Variants in ATP6V1H observed in about 807,000 individuals in gnomAD.
ATP6V1H encodes the protein ATPase H+ transporting V1 subunit H.
A neutral mutation model predicts 71.7 loss-of-function variants in ATP6V1H; 39 were observed. The observed-to-expected ratio is 0.54, with a 90% CI of 0.42 to 0.71. The LOEUF (loss-of-function observed/expected upper bound fraction) is 0.71. ATP6V1H is among the 30% of genes least tolerant of loss of function. The pLI, the probability that ATP6V1H is intolerant of heterozygous loss-of-function variation, is 0.00. For missense variants in ATP6V1H, 509 were observed against 594.9 expected, an observed-to-expected ratio of 0.86 and a Z score of 1.50; for synonymous variants, 192 against 199.3, an observed-to-expected ratio of 0.96 and a Z score of 0.31.
intron 12 of ATP6V1H, among the ~76,000 whole-genome samples, chr8:53,748,573 C>A (rs1326243387): frequency 6.6e-6 from 1 of 152,060 alleles, no homozygotes; most frequent in Admixed American, 6.6e-5. Flanking sequence ...CTATACATAG[C>A]ATTAAACCAT....
intron 8 of ATP6V1H, among the ~76,000 whole-genome samples, 157 bp downstream of exon 8, chr8:53,801,642 T>A (rs1278887618): frequency 6.6e-6 from 1 of 152,212 alleles, no homozygotes; most frequent in Admixed American, 6.5e-5. Context: ...GGGCTCAGTT[T>A]GATAGTTACT....
chr8:53,717,157 C>T (rs929543834), intron 13 of ATP6V1H, among the ~76,000 whole-genome samples: 13 of 152,202 alleles, frequency 8.5e-5, no homozygotes, highest in African/African-American at 2.9e-4. Flanking sequence ...AATATGACTC[C>T]GCCTCTCTCC....
chr8:53,731,764 A>G (rs1479478125), intron 13 of ATP6V1H, among the ~76,000 whole-genome samples: 1 of 152,234 alleles, frequency 6.6e-6, no homozygotes, highest in Non-Finnish European at 1.5e-5. Context: ...CTGACCGGGA[A>G]GCGAGGTAAT....
intron 3 of ATP6V1H, chr8:53,832,753 T>G (rs1585838413): frequency 2.9e-6 from 1 of 341,674 alleles, no homozygotes; most frequent in East Asian, 4.7e-5. Flanking sequence ...TTAAGCAACT[T>G]TTAAAACTTA....
At chr8:53,791,051 C>T (rs1038866853) in intron 9 of ATP6V1H, among the ~76,000 whole-genome samples, 1 of 150,028 alleles carries the variant, frequency 6.7e-6, no homozygotes, top group Non-Finnish European at 1.5e-5. Flanking sequence ...GCTCCTGTGA[C>T]AATGGTAGAA....
chr8:53,812,708 T>C (rs1810317334), intron 6 of ATP6V1H, among the ~76,000 whole-genome samples: 1 of 152,212 alleles, frequency 6.6e-6, no homozygotes, highest in Admixed American at 6.5e-5. Context: ...TTTTTTGTTT[T>C]TTGAGACAAG....
Position 53,764,011 on chromosome 8 carries a change from G to C in ATP6V1H, c.1175+5607C>G, listed in dbSNP as rs190533828. Among the ~76,000 whole-genome samples, 10 of 152,334 alleles carry C rather than the reference G, an allele frequency of 6.6e-5. No individual in the cohort carries two copies. In the South Asian group the frequency reaches 1.7e-3, roughly 25 times the overall value. Reference sequence around the variant, plus strand: ...AGAAGTGGATAATCTGAATAGGCCTGTATCTATTAAAGAAATGAGTAATTA... The same window carrying C: ...AGAAGTGGATAATCTGAATAGGCCTCTATCTATTAAAGAAATGAGTAATTA... On this transcript the variant is annotated intron_variant, in intron 11 of 13. Transcript: ENST00000359530.
intron 12 of ATP6V1H, among the ~76,000 whole-genome samples, chr8:53,747,541 C>CT (rs1198909765): frequency 1.1e-4 from 15 of 142,314 alleles, no homozygotes; most frequent in Admixed American, 6.9e-4. Context: ...TTTTTTTTTC[C>CT]TTTTTTTTCC....
At chr8:53,806,893 T>C (rs1016791781) in intron 7 of ATP6V1H, 14 of 452,390 alleles carry the variant, frequency 3.1e-5, no homozygotes, top group Non-Finnish European at 4.9e-5. Context: ...ATATGGATAC[T>C]TCATGTACTA....
chr8:53,799,081 T>C (rs1279624899), intron 8 of ATP6V1H, among the ~76,000 whole-genome samples: 2 of 152,142 alleles, frequency 1.3e-5, no homozygotes, highest in African/African-American at 2.4e-5. Context: ...AGGTCCTCCA[T>C]AGGGAGAAAA....
chr8:53,748,664 C>A (rs1044789090), intron 12 of ATP6V1H, among the ~76,000 whole-genome samples: 7 of 152,120 alleles, frequency 4.6e-5, no homozygotes, highest in African/African-American at 1.7e-4. Context: ...TCACATATCA[C>A]AGTTTCAGAA....
At position 53,837,199 on chromosome 8, in the gene ATP6V1H, A is replaced by G. The variant is rs545064226; in HGVS notation, c.114-4113T>C. On this transcript the variant is annotated intron_variant, in intron 2 of 13. Transcript: ENST00000359530. ...GAAAAACCTATGTCACTGTATTTCT[A>G]TGAAAATAATGTTAAATAGGATGTT... Among the ~76,000 whole-genome samples, 6 of 152,246 alleles carry G rather than the reference A, an allele frequency of 3.9e-5. No homozygotes were observed. The South Asian group carries it at 6.2e-4, about 16-fold the overall frequency.
chr8:53,768,050 C>T (rs1013720207), intron 11 of ATP6V1H, among the ~76,000 whole-genome samples: 8 of 152,126 alleles, frequency 5.3e-5, no homozygotes, highest in African/African-American at 1.4e-4. Flanking sequence ...GATCTTGGAC[C>T]TGTATCCAGA....
At chr8:53,719,922 G>C (rs1806558473) in intron 13 of ATP6V1H, among the ~76,000 whole-genome samples, 1 of 152,140 alleles carries the variant, frequency 6.6e-6, no homozygotes, top group Non-Finnish European at 1.5e-5. Context: ...CAACAAGTGG[G>C]TGTGAAAAAT....
intron 2 of ATP6V1H, 56 bp from the exon 3 acceptor site, chr8:53,833,142 G>A (rs768039814): frequency 1.2e-4 from 162 of 1,406,924 alleles, no homozygotes; most frequent in Non-Finnish European, 1.5e-4. Context: ...GTAAGCAAGC[G>A]ATAGAGGAAT....
chr8:53,720,919 T>C (rs1806589240), intron 13 of ATP6V1H, among the ~76,000 whole-genome samples: 1 of 152,196 alleles, frequency 6.6e-6, no homozygotes, highest in Non-Finnish European at 1.5e-5. Context: ...TTCTTGGAAT[T>C]CTATAGCCTA....
intron 13 of ATP6V1H, among the ~76,000 whole-genome samples, chr8:53,718,586 C>T (rs1051914203): frequency 1.3e-5 from 2 of 151,978 alleles, no homozygotes; most frequent in South Asian, 2.1e-4. Flanking sequence ...GACAGGGTTT[C>T]GTCATGTTGT....
chr8:53,802,589 G>C (rs140343628), intron 7 of ATP6V1H, among the ~76,000 whole-genome samples: 1 of 151,874 alleles, frequency 6.6e-6, no homozygotes, highest in African/African-American at 2.4e-5. Flanking sequence ...GCCTGGTGGC[G>C]CACACCTGTA....
At chr8:53,718,743 T>C (rs1806516381) in intron 13 of ATP6V1H, among the ~76,000 whole-genome samples, 1 of 152,148 alleles carries the variant, frequency 6.6e-6, no homozygotes, top group Non-Finnish European at 1.5e-5. Context: ...ATCTACTTCT[T>C]CCTGACCTAA....
Sources: allele counts gnomAD v4.1 joint callset (sites outside exome capture counted in the v4.1 genomes callset), GRCh38; gene constraint gnomAD v4.1.1; transcripts MANE v1.5; gene names NCBI Gene and HGNC (gene_info 2026-07-23, HGNC 2026-07-21).